The following MRC2 variants were observed in gnomAD, a reference collection of about 807,000 sequenced individuals.
MRC2 encodes the protein mannose receptor C-type 2.
MRC2 carries 84 observed loss-of-function variants against 206.2 expected under a neutral mutation model. That is an observed-to-expected ratio of 0.41 (90% CI 0.34 to 0.49). MRC2 has a LOEUF of 0.49. Among genes scored for constraint, MRC2 ranks in the 20% least tolerant of loss-of-function variants. The pLI, the probability that MRC2 is intolerant of heterozygous loss-of-function variation, is 0.31. For synonymous variants in MRC2, 798 were observed against 800.0 expected (o/e 1.00, Z 0.04); for missense variants, 1,676 against 2,001.5 (o/e 0.84, Z 3.10).
At chr17:62,651,612 TC>T (rs2088557045) in intron 1 of MRC2, among the ~76,000 whole-genome samples, 1 of 151,810 alleles carries the variant, frequency 6.6e-6, no homozygotes, top group Admixed American at 6.6e-5. Flanking sequence ...TTTCACTCTG[TC>T]CCCCAGGCTA....
chr17:62,664,544 C>T lies in MRC2; in HGVS notation c.119-4C>T. The T allele has an allele frequency of 6.2e-7, 1 of 1,604,532 alleles. No individual in the cohort carries two copies. The highest frequency in any genetic ancestry group is 8.5e-7 in the Non-Finnish European group (1 of 1,175,370). On this transcript the variant is annotated splice_region_variant and splice_polypyrimidine_tract_variant and intron_variant, in intron 1 of 29. Transcript: ENST00000303375. This position sits in a 1 kb window ranked among gnomAD's most constrained non-coding sequence, Gnocchi z 4.7. ...ATGCCTTCGTGTCTTGCCTTCCCTT[C>T]CAGAACCCAACGTCTTCCTCATCTT...
intron 1 of MRC2, among the ~76,000 whole-genome samples, chr17:62,653,798 G>C (rs1294075470): frequency 2.1e-4 from 32 of 152,092 alleles, no homozygotes; most frequent in Admixed American, 2.0e-3. Context: ...AACCCACCAT[G>C]GTTCAGGATG....
Position 62,680,307 on chromosome 17 carries a change from A to C in MRC2, c.2436A>C (p.Arg812Ser), listed in dbSNP as rs1267904921. 5.6e-6 allele frequency: 9 copies of C among 1,613,838 alleles called. No homozygotes were observed. Among genetic ancestry groups the C allele is most frequent in the Non-Finnish European group, 7.6e-6 (9 of 1,179,890 alleles). ...TGGACTGGATCTGCAAGATCCCCAG[A>C]GGTTGGCCGGAGTGGCGCTGGGGGA... ...TQLDWICKIP[R>S]GTDVREPDDS... The change falls in exon 15 of 30, where the codon AGA (arginine) becomes AGC (serine). Residue 812 changes from arginine (R) to serine (S), a missense_variant and splice_region_variant. Physicochemically the swap from Arg to Ser is moderately radical, Grantham distance 110. Coordinates refer to ENST00000303375, the MANE Select transcript of MRC2 (RefSeq NM_006039.5). This position sits in a 1 kb window ranked among gnomAD's most constrained non-coding sequence, Gnocchi z 4.8.
At chr17:62,635,488 A>G (rs890137893) in intron 1 of MRC2, among the ~76,000 whole-genome samples, 9 of 152,122 alleles carry the variant, frequency 5.9e-5, no homozygotes, top group African/African-American at 2.2e-4. Context: ...ACTAGGGAAC[A>G]CTGGGATGGT....
rs74803229 is a variant in MRC2 at position 62,675,297 on chromosome 17, C to T, written c.1570-493C>T. 9.0e-3 allele frequency among the ~76,000 whole-genome samples: 1,375 copies of T among 152,258 alleles called. 18 individuals are homozygous for T. The highest frequency in any genetic ancestry group is 0.03 in the African/African-American group (1,257 of 41,536). On this transcript the variant is annotated intron_variant, in intron 9 of 29. Coordinates refer to ENST00000303375, the MANE Select transcript of MRC2 (RefSeq NM_006039.5). This position sits in a 1 kb window ranked among gnomAD's most constrained non-coding sequence, Gnocchi z 4.1. Reference sequence around the variant, plus strand: ...CTTCTGCCTTGGCTCCTGCCAGCCTCGCCTGCCAGGGTCTCGTCTCTGAGC... The same window carrying T: ...CTTCTGCCTTGGCTCCTGCCAGCCTTGCCTGCCAGGGTCTCGTCTCTGAGC...
At chr17:62,638,262 T>C (rs1226552535) in intron 1 of MRC2, among the ~76,000 whole-genome samples, 2 of 152,150 alleles carry the variant, frequency 1.3e-5, no homozygotes, top group African/African-American at 2.4e-5. Flanking sequence ...AGAGTTACCC[T>C]TCTAGAATTT....
At chr17:62,674,945 C>G (rs2088873223) in intron 9 of MRC2, among the ~76,000 whole-genome samples, 1 of 152,172 alleles carries the variant, frequency 6.6e-6, no homozygotes, top group Non-Finnish European at 1.5e-5. Context: ...CCACACCCAC[C>G]TGGACCCCAA....
At position 62,688,519 on chromosome 17, in the gene MRC2, T is replaced by C. The variant is rs1380821879; in HGVS notation, c.3080T>C (p.Leu1027Pro). 1 of 1,614,250 alleles carries C rather than the reference T, an allele frequency of 6.2e-7. No individual in the cohort carries two copies. Among genetic ancestry groups the C allele is most frequent in the South Asian group, 1.1e-5 (1 of 91,086 alleles). The change falls in exon 22 of 30, where the codon CTG becomes CCG. Residue 1027 changes from leucine (L) to proline (P), a missense_variant. Physicochemically the swap from Leu to Pro is moderately conservative, Grantham distance 98 (BLOSUM62 -3). This residue lies in a region of MRC2 where 1,354 missense variants were observed against 1,636.6 expected (regional missense o/e 0.83). Transcript: ENST00000303375. ...ACCATAGCATTCATCACAGCCAGCC[T>C]GCCCAATGTGACCTTTGACCTTTGG... is the stretch of plus-strand genomic sequence containing the variant. ...PLEQAFITAS[L>P]PNVTFDLWIG... is the part of the protein sequence containing the mutation.
Position 62,680,466 on chromosome 17 carries a change from C to T in MRC2, c.2473+13C>T. 2 of 1,613,932 alleles carry T rather than the reference C, an allele frequency of 1.2e-6. No homozygotes were observed. Among genetic ancestry groups the T allele is most frequent in the East Asian group, 2.2e-5 (1 of 44,880 alleles). ...GACAGCCCTCAAGGTGAGCACCCCC[C>T]AGCCCATCCCGCTACCCATCGCGTG... On this transcript the variant is annotated intron_variant, in intron 16 of 29. Transcript: ENST00000303375. This position sits in a 1 kb window ranked among gnomAD's most constrained non-coding sequence, Gnocchi z 4.8.
At chr17:62,653,340 A>C (rs969217182) in intron 1 of MRC2, among the ~76,000 whole-genome samples, 11 of 152,126 alleles carry the variant, frequency 7.2e-5, no homozygotes, top group African/African-American at 9.6e-5. Flanking sequence ...GGGCGGGGCT[A>C]GCTTCCACTC....
In MRC2 at chr17:62,689,654, G is replaced by A. The variant is rs2429387; in HGVS notation, c.3467G>A (p.Arg1156His). ...GATGCCCTCCTGCTGTGTGAGAGCCGCAATGCCAGCCTGGCCTACGTGCCC... is the reference window on the plus strand; with the variant it reads ...GATGCCCTCCTGCTGTGTGAGAGCCACAATGCCAGCCTGGCCTACGTGCCC... ...WHDALLLCES[R>H]NASLAYVPDP... The change falls in exon 24 of 30, where the codon CGC becomes CAC. Residue 1156 changes from arginine (R) to histidine (H), a missense_variant. By Grantham distance (29) the Arg-to-His change is conservative. This residue lies in a region of MRC2 where 1,354 missense variants were observed against 1,636.6 expected (regional missense o/e 0.83). Transcript: ENST00000303375. 1,520,622 of 1,596,564 alleles carry A rather than the reference G, an allele frequency of 0.95. 732,587 individuals are homozygous for A. The highest frequency in any genetic ancestry group is 0.98 in the Non-Finnish European group (1,153,600 of 1,171,938).
chr17:62,688,849 C>G lies in MRC2; in HGVS notation c.3226-3C>G, dbSNP rs758737942. 4 of 1,607,904 alleles carry G rather than the reference C, an allele frequency of 2.5e-6. No homozygotes were observed. Among genetic ancestry groups the G allele is most frequent in the East Asian group, 2.2e-5 (1 of 44,734 alleles). On this transcript the variant is annotated splice_polypyrimidine_tract_variant and splice_region_variant and intron_variant, in intron 22 of 29. Coordinates refer to ENST00000303375, the MANE Select transcript of MRC2 (RefSeq NM_006039.5). ...GCTCCCCTGAGCAGCTCCCTCCCCC[C>G]AGACCAGCTGTGCAGTGGTCCTGCA...
In MRC2 at chr17:62,672,149, C is replaced by A; in HGVS notation, c.1458C>A (p.Gly486=). ...TGGAGGACTGTGTCACCATCTGGGGCCCGGTGAGATCTCCCTCTCCCTATC... is the reference window on the plus strand; with the variant it reads ...TGGAGGACTGTGTCACCATCTGGGGACCGGTGAGATCTCCCTCTCCCTATC... ...DSLEDCVTIW[G]PEGRWNDSPC... is the part of the protein sequence containing the mutation. The change falls in exon 8 of 30, where the codon GGC becomes GGA. Residue 486 remains glycine, a synonymous_variant. Transcript: ENST00000303375. This position sits in a 1 kb window ranked among gnomAD's most constrained non-coding sequence, Gnocchi z 4.5. 6.2e-7 allele frequency: 1 copy of A among 1,613,996 alleles called. No individual in the cohort carries two copies. The highest frequency in any genetic ancestry group is 8.5e-7 in the Non-Finnish European group (1 of 1,180,004).
In MRC2 at chr17:62,681,830, A is replaced by G. The variant is rs1284995905; in HGVS notation, c.2703-7A>G. 4 of 1,611,090 alleles carry G rather than the reference A, an allele frequency of 2.5e-6. No individual in the cohort carries two copies. The highest frequency in any genetic ancestry group is 3.4e-6 in the Non-Finnish European group (4 of 1,178,232). On this transcript the variant is annotated splice_polypyrimidine_tract_variant and splice_region_variant and intron_variant, in intron 18 of 29. Transcript: ENST00000303375. ...GCTGGAGTTACCTCTGCTCCATGCCATTGCAGATGGACAGATGGTTCCATT... is the reference window on the plus strand; with the variant it reads ...GCTGGAGTTACCTCTGCTCCATGCCGTTGCAGATGGACAGATGGTTCCATT...
intron 20 of MRC2, among the ~76,000 whole-genome samples, chr17:62,683,443 G>A (rs938048792): frequency 6.6e-6 from 1 of 150,518 alleles, no homozygotes; most frequent in Non-Finnish European, 1.5e-5. Flanking sequence ...ACTCCAGCCT[G>A]GGCAACAAAA....
chr17:62,651,988 G>T (rs1181170979), intron 1 of MRC2, among the ~76,000 whole-genome samples: 1 of 151,940 alleles, frequency 6.6e-6, no homozygotes, highest in East Asian at 1.9e-4. Flanking sequence ...TTTCTTTTAA[G>T]TCAGAAAACA....
chr17:62,684,861 C>G (rs959346391), intron 20 of MRC2, among the ~76,000 whole-genome samples: 1 of 152,208 alleles, frequency 6.6e-6, no homozygotes, highest in Non-Finnish European at 1.5e-5. Context: ...CATTACACGG[C>G]CAGGCGCTGT....
At chr17:62,656,771 C>A (rs1234317878) in intron 1 of MRC2, among the ~76,000 whole-genome samples, 1 of 152,144 alleles carries the variant, frequency 6.6e-6, no homozygotes, top group African/African-American at 2.4e-5. Flanking sequence ...AATGCAGGAG[C>A]CCAGCTGGCT....
chr17:62,666,549 G>C lies in MRC2; in HGVS notation c.789G>C (p.Trp263Cys). 1 of 1,613,140 alleles carries C rather than the reference G, an allele frequency of 6.2e-7. No individual in the cohort carries two copies. The highest frequency in any genetic ancestry group is 1.1e-5 in the South Asian group (1 of 90,952). Residue 263 changes from tryptophan to cysteine, a missense_variant, in exon 4 of 30, where the codon TGG (tryptophan) becomes TGC (cysteine). This residue lies in a region of MRC2 where 1,354 missense variants were observed against 1,636.6 expected (regional missense o/e 0.83). Coordinates refer to ENST00000303375, the MANE Select transcript of MRC2 (RefSeq NM_006039.5). The surrounding 1 kb of genome is among the most constrained non-coding windows in gnomAD (Gnocchi z 5.0). Reference protein sequence around the residue: ...FQSTLSWREAWASCEQQGADL... With the variant: ...FQSTLSWREACASCEQQGADL... ...CCACGCTGTCGTGGAGGGAGGCCTG[G>C]GCCAGCTGCGAGCAGCAGGGTGCGG...
Sources: gnomAD v4.1 joint callset for allele counts (sites outside exome capture counted in the v4.1 genomes callset) on GRCh38, gnomAD v4.1.1 for gene constraint, gnomAD v4.1.1 regional missense constraint, Gnocchi (gnomAD v3.1) non-coding constraint, MANE v1.5 for transcripts, NCBI Gene and HGNC (gene_info 2026-07-23, HGNC 2026-07-21) for gene names.